SPAG16: variants seen among roughly 807,000 people sequenced by gnomAD.
SPAG16 encodes the protein sperm-associated antigen 16 protein.
In SPAG16, 86 loss-of-function variants were observed where a neutral mutation model predicts 80.4. That is an observed-to-expected ratio of 1.07 (90% CI 0.90 to 1.28). The LOEUF is 1.28. Among genes scored for constraint, SPAG16 ranks in the 50% most tolerant of loss-of-function variants. The pLI, the probability that SPAG16 is intolerant of heterozygous loss-of-function variation, is 0.00. For synonymous variants in SPAG16, 294 were observed against 265.9 expected (o/e 1.11, Z -1.03); for missense variants, 870 against 765.3 (o/e 1.14, Z -1.61).
intron 12 of SPAG16, among the ~76,000 whole-genome samples, chr2:213,960,491 G>A (rs1195205227): frequency 6.6e-6 from 1 of 152,056 alleles, no homozygotes; most frequent in African/African-American, 2.4e-5. Context: ...TAATAATGTG[G>A]TAACTCTGGC....
At chr2:213,862,035 T>C (rs2075488368) in intron 10 of SPAG16, among the ~76,000 whole-genome samples, 1 of 152,228 alleles carries the variant, frequency 6.6e-6, no homozygotes, top group South Asian at 2.1e-4. Flanking sequence ...AATGTGGTTA[T>C]GATTCATGAT....
intron 13 of SPAG16, among the ~76,000 whole-genome samples, chr2:214,062,999 A>G (rs552131667): frequency 6.6e-6 from 1 of 152,348 alleles, no homozygotes; most frequent in East Asian, 1.9e-4. Context: ...ATAACATTAT[A>G]TTTAACCCAA....
intron 15 of SPAG16, among the ~76,000 whole-genome samples, chr2:214,203,641 A>G (rs561625029): frequency 6.6e-6 from 1 of 152,296 alleles, no homozygotes; most frequent in African/African-American, 2.4e-5. Context: ...ATATGGGAAT[A>G]GAAGAAGCAG....
intron 10 of SPAG16, among the ~76,000 whole-genome samples, chr2:213,662,128 T>C (rs2063449028): frequency 6.6e-6 from 1 of 151,634 alleles, no homozygotes; most frequent in Non-Finnish European, 1.5e-5. Context: ...GAACAAATGG[T>C]CTATCAACCT....
intron 10 of SPAG16, among the ~76,000 whole-genome samples, chr2:213,622,207 T>C (rs1480370630): frequency 1.3e-5 from 2 of 152,206 alleles, no homozygotes; most frequent in Non-Finnish European, 2.9e-5. Context: ...AACATAGAAA[T>C]TGACTCTTAC....
chr2:213,298,980 T>C (rs2062614715), intron 3 of SPAG16, among the ~76,000 whole-genome samples: 1 of 152,212 alleles, frequency 6.6e-6, no homozygotes, highest in Admixed American at 6.5e-5. Flanking sequence ...ATTTCTAAAG[T>C]ATGTTAATCT....
chr2:214,272,340 C>T (rs1452550196), intron 15 of SPAG16, among the ~76,000 whole-genome samples: 1 of 151,976 alleles, frequency 6.6e-6, no homozygotes, highest in Non-Finnish European at 1.5e-5. Context: ...TACATGTGCA[C>T]AATGTGCAGG....
At chr2:213,913,703 G>A (rs1049128295) in intron 11 of SPAG16, among the ~76,000 whole-genome samples, 2 of 151,062 alleles carry the variant, frequency 1.3e-5, no homozygotes, top group African/African-American at 2.5e-5. Flanking sequence ...ATACATGTGT[G>A]TATGCATATA....
chr2:214,362,807 C>A (rs527252750), intron 15 of SPAG16, among the ~76,000 whole-genome samples: 4 of 151,622 alleles, frequency 2.6e-5, no homozygotes, highest in Non-Finnish European at 5.9e-5. Context: ...AGTTAAAGTA[C>A]AAATAGCTGT....
At chr2:213,296,340 C>G (rs1037189334) in intron 2 of SPAG16, among the ~76,000 whole-genome samples, 4 of 152,124 alleles carry the variant, frequency 2.6e-5, no homozygotes, top group African/African-American at 9.7e-5. Context: ...TGTTAATCGT[C>G]CTTCAGGTTC....
At chr2:213,400,981 T>C (rs1434702772) in intron 9 of SPAG16, among the ~76,000 whole-genome samples, 1 of 152,064 alleles carries the variant, frequency 6.6e-6, no homozygotes, top group African/African-American at 2.4e-5. Flanking sequence ...CTAATTTTTA[T>C]ATTTTTTTGT....
At chr2:213,971,198 G>T (rs1171657149) in intron 12 of SPAG16, among the ~76,000 whole-genome samples, 1 of 152,046 alleles carries the variant, frequency 6.6e-6, no homozygotes, top group Non-Finnish European at 1.5e-5. Flanking sequence ...AAGAGAAATG[G>T]ATATTCTGAG....
intron 10 of SPAG16, among the ~76,000 whole-genome samples, chr2:213,744,839 A>G (rs1372867719): frequency 6.6e-6 from 1 of 152,246 alleles, no homozygotes; most frequent in African/African-American, 2.4e-5. Context: ...ATACACCTTT[A>G]CCACTTCCAT....
At chr2:213,616,957 T>C (rs16850573) in intron 10 of SPAG16, among the ~76,000 whole-genome samples, 9,054 of 152,152 alleles carry the variant, frequency 0.06, 889 homozygotes, top group African/African-American at 0.2. Flanking sequence ...CTGTTCAGGC[T>C]ATTGTAGCTC....
intron 10 of SPAG16, among the ~76,000 whole-genome samples, chr2:213,833,322 T>A (rs964851781): frequency 7.0e-6 from 1 of 142,922 alleles, no homozygotes; most frequent in South Asian, 2.2e-4. Context: ...ACATATATAG[T>A]GTATGAATTG....
At chr2:213,839,335 T>C (rs2074254093) in intron 10 of SPAG16, among the ~76,000 whole-genome samples, 1 of 152,212 alleles carries the variant, frequency 6.6e-6, no homozygotes, top group Admixed American at 6.5e-5. Flanking sequence ...AGAATTTTAA[T>C]GAAGTTATTA....
intron 6 of SPAG16, among the ~76,000 whole-genome samples, chr2:213,341,377 G>A (rs1188372340): frequency 2.0e-5 from 3 of 152,182 alleles, no homozygotes; most frequent in Admixed American, 6.5e-5. Flanking sequence ...GCCAGGCAAA[G>A]TTGGGGTCTG....
At chr2:213,432,657 A>G (rs1015364946) in intron 9 of SPAG16, among the ~76,000 whole-genome samples, 2 of 151,980 alleles carry the variant, frequency 1.3e-5, no homozygotes, top group African/African-American at 4.8e-5. Flanking sequence ...CTGGTTGCTG[A>G]ATTTTACCAG....
chr2:213,597,282 C>T (rs2060915043), intron 10 of SPAG16, among the ~76,000 whole-genome samples: 1 of 152,110 alleles, frequency 6.6e-6, no homozygotes, highest in African/African-American at 2.4e-5. Flanking sequence ...ACTGGAGCTA[C>T]AGTATTAGCC....
Sources: allele counts gnomAD v4.1 joint callset (sites outside exome capture counted in the v4.1 genomes callset), GRCh38; gene constraint gnomAD v4.1.1; transcripts MANE v1.5; gene names NCBI Gene and HGNC (gene_info 2026-07-23, HGNC 2026-07-21).